Variants in ADARB2 observed in about 807,000 individuals in gnomAD.
ADARB2 encodes the protein inactive double-stranded RNA-specific editase B2.
In ADARB2, 25 loss-of-function variants were observed where a neutral mutation model predicts 62.2. The ratio of observed to expected loss-of-function variants is 0.40; its 90% confidence interval spans 0.29 to 0.56. The LOEUF (loss-of-function observed/expected upper bound fraction) is 0.56. Ranked by LOEUF, ADARB2 falls within the 20% of genes least tolerant of loss-of-function variation. The probability of loss-of-function intolerance (pLI) is 0.43; values close to 1 mark genes in which losing one functional copy is unlikely to be tolerated. For synonymous variants in ADARB2, 572 were observed against 500.8 expected (o/e 1.14, Z -1.90); for missense variants, 1,071 against 1,077.4 (o/e 0.99, Z 0.08).
intron 1 of ADARB2, among the ~76,000 whole-genome samples, chr10:1,581,838 G>C (rs1036964052): frequency 7.2e-6 from 1 of 137,996 alleles, no homozygotes; most frequent in African/African-American, 3.3e-5. Context: ...GTGTGTGTGT[G>C]TGTGTGTGTG....
intron 1 of ADARB2, among the ~76,000 whole-genome samples, chr10:1,682,047 G>C (rs1022946262): frequency 2.0e-5 from 3 of 152,210 alleles, no homozygotes; most frequent in Non-Finnish European, 2.9e-5. Context: ...GTGCCATGCA[G>C]ACCCTGGGTG....
intron 1 of ADARB2, among the ~76,000 whole-genome samples, chr10:1,692,298 C>T (rs1221210815): frequency 6.6e-6 from 1 of 152,132 alleles, no homozygotes; most frequent in Non-Finnish European, 1.5e-5. Context: ...GAGTTTCCTC[C>T]TTGTATTTGT....
chr10:1,384,602 T>A (rs1832510267), intron 1 of ADARB2, among the ~76,000 whole-genome samples: 1 of 152,166 alleles, frequency 6.6e-6, no homozygotes, highest in Non-Finnish European at 1.5e-5. Context: ...TGCGTGACCA[T>A]TGTTCCTGAG....
At chr10:1,534,781 G>A (rs928424073) in intron 1 of ADARB2, 4 of 167,070 alleles carry the variant, frequency 2.4e-5, no homozygotes, top group Non-Finnish European at 5.9e-5. Flanking sequence ...CCATGGGAGA[G>A]AGATTTGATA....
chr10:1,554,621 C>T (rs2131981041), intron 1 of ADARB2, among the ~76,000 whole-genome samples: 1 of 152,290 alleles, frequency 6.6e-6, no homozygotes, highest in East Asian at 1.9e-4. Context: ...AACGGTACTT[C>T]AGTTATTGTG....
At chr10:1,339,009 T>G (rs1320406378) in intron 3 of ADARB2, among the ~76,000 whole-genome samples, 2 of 152,218 alleles carry the variant, frequency 1.3e-5, no homozygotes, top group African/African-American at 4.8e-5. Context: ...AAAGCATCGC[T>G]TCTCTTGAGA....
intron 1 of ADARB2, among the ~76,000 whole-genome samples, chr10:1,683,930 C>A (rs541280258): frequency 1.3e-5 from 2 of 152,320 alleles, no homozygotes; most frequent in East Asian, 3.9e-4. Flanking sequence ...GGTGCCCTCT[C>A]AAAAGGACTG....
intron 1 of ADARB2, among the ~76,000 whole-genome samples, chr10:1,626,261 A>ACGCTCTCTCC (rs1564350926): frequency 0.064 from 7,949 of 123,542 alleles, 2,441 homozygotes; most frequent in South Asian, 0.08. Context: ...ACATCTGCCC[A>ACGCTCTCTCC]TGCTCTCTCC....
At chr10:1,261,725 T>G (rs1320360679) in intron 4 of ADARB2, among the ~76,000 whole-genome samples, 4 of 150,114 alleles carry the variant, frequency 2.7e-5, no homozygotes, top group South Asian at 4.1e-4. Flanking sequence ...ATTGTGGAAG[T>G]CAGTGTGGCG....
At chr10:1,432,157 A>T (rs933432593) in intron 1 of ADARB2, among the ~76,000 whole-genome samples, 4 of 152,202 alleles carry the variant, frequency 2.6e-5, no homozygotes, top group Admixed American at 2.0e-4. Flanking sequence ...TGTCTCCAGC[A>T]TAAAGCCTGA....
chr10:1,384,467 C>T (rs111587823), intron 1 of ADARB2, among the ~76,000 whole-genome samples: 26 of 152,136 alleles, frequency 1.7e-4, no homozygotes, highest in African/African-American at 5.6e-4. Context: ...CTTTGCTGGC[C>T]GTGAATGGAC....
chr10:1,645,089 G>C (rs1834023345), intron 1 of ADARB2, among the ~76,000 whole-genome samples: 2 of 152,244 alleles, frequency 1.3e-5, no homozygotes, highest in African/African-American at 2.4e-5. Flanking sequence ...TGGTGTCAGA[G>C]AGGAGAATCA....
chr10:1,459,930 G>C (rs1178725243), intron 1 of ADARB2, among the ~76,000 whole-genome samples: 5 of 144,690 alleles, frequency 3.5e-5, no homozygotes, highest in African/African-American at 1.1e-4. Context: ...CCTGTGACCT[G>C]AGTTTACCTG....
intron 3 of ADARB2, among the ~76,000 whole-genome samples, chr10:1,299,717 C>G (rs117519496): frequency 1.8e-4 from 28 of 152,198 alleles, no homozygotes; most frequent in Admixed American, 5.2e-4. Flanking sequence ...AGGGACTCTT[C>G]TGCCCCTGGG....
At chr10:1,450,135 G>C (rs368339009) in intron 1 of ADARB2, among the ~76,000 whole-genome samples, 1 of 152,122 alleles carries the variant, frequency 6.6e-6, no homozygotes, top group African/African-American at 2.4e-5. Flanking sequence ...GGCTCCCGTC[G>C]AGAGGGAGCT....
chr10:1,281,220 T>A (rs1400272950), intron 3 of ADARB2, among the ~76,000 whole-genome samples: 1 of 152,232 alleles, frequency 6.6e-6, no homozygotes, highest in Non-Finnish European at 1.5e-5. Context: ...GATGATGACC[T>A]CATCTCCACT....
At chr10:1,320,031 C>T (rs1831781550) in intron 3 of ADARB2, among the ~76,000 whole-genome samples, 1 of 152,224 alleles carries the variant, frequency 6.6e-6, no homozygotes, top group Non-Finnish European at 1.5e-5. Context: ...TGGGGCTATG[C>T]TCATGTAGAC....
chr10:1,279,507 G>A (rs1325685628), intron 3 of ADARB2, among the ~76,000 whole-genome samples: 1 of 152,184 alleles, frequency 6.6e-6, no homozygotes, highest in Non-Finnish European at 1.5e-5. Flanking sequence ...GTAGAGGCAG[G>A]GTCTCAATGT....
intron 6 of ADARB2, among the ~76,000 whole-genome samples, chr10:1,229,164 AG>A (rs2131765778): frequency 6.6e-6 from 1 of 152,354 alleles, no homozygotes; most frequent in Non-Finnish European, 1.5e-5. Context: ...TGAGGCCTCC[AG>A]GAATGGGGAA....
Sources: allele counts gnomAD v4.1 joint callset (sites outside exome capture counted in the v4.1 genomes callset), GRCh38; gene constraint gnomAD v4.1.1; transcripts MANE v1.5; gene names NCBI Gene and HGNC (gene_info 2026-07-23, HGNC 2026-07-21).